The following SH3PXD2B variants were observed in gnomAD, a reference collection of about 807,000 sequenced individuals.
The protein encoded by SH3PXD2B is SH3 and PX domain-containing protein 2B.
SH3PXD2B carries 37 observed loss-of-function variants against 73.1 expected under a neutral mutation model. The observed-to-expected ratio is 0.51, with a 90% CI of 0.39 to 0.67. The LOEUF (loss-of-function observed/expected upper bound fraction) is 0.67, where lower values mean the gene tolerates loss of function less well. Ranked by LOEUF, SH3PXD2B falls within the 30% of genes least tolerant of loss-of-function variation. The probability of loss-of-function intolerance (pLI) is 0.00; values close to 1 mark genes in which losing one functional copy is unlikely to be tolerated. For synonymous variants in SH3PXD2B, 457 were observed against 480.5 expected (o/e 0.95, Z 0.64); for missense variants, 1,053 against 1,197.8 (o/e 0.88, Z 1.78).
At chr5:172,403,961 G>C (rs909132667) in intron 3 of SH3PXD2B, among the ~76,000 whole-genome samples, 4 of 152,238 alleles carry the variant, frequency 2.6e-5, no homozygotes, top group African/African-American at 4.8e-5. Context: ...TCGCTTGCTT[G>C]AGGTCACAGG....
chr5:172,380,491 G>A (rs556912966), intron 5 of SH3PXD2B, among the ~76,000 whole-genome samples: 1 of 152,286 alleles, frequency 6.6e-6, no homozygotes, highest in African/African-American at 2.4e-5. Context: ...AATCCTGTAA[G>A]CCCAGGAGGA....
chr5:172,333,929 G>T lies in SH3PXD2B; in HGVS notation c.*4440C>A. ...AAGGCATACATGGGCACACACTGGG[G>T]TAAAATGTGGACACCATCGTTGCAT... On this transcript the variant is annotated 3_prime_UTR_variant, in exon 13 of 13. Transcript: ENST00000311601. 2 of 1,248,900 alleles carry T rather than the reference G, an allele frequency of 1.6e-6. No individual in the cohort carries two copies. Among genetic ancestry groups the T allele is most frequent in the Non-Finnish European group, 2.0e-6 (2 of 975,884 alleles). 77.4% of individuals were successfully genotyped at this position (1,248,900 alleles called of 1,614,324 possible). A position where few individuals can be genotyped will look rare whatever the true frequency, so the allele number is the denominator to read the frequency against.
chr5:172,353,889 T>G lies in SH3PXD2B; in HGVS notation c.784A>C (p.Arg262=). ...QKNLEGWWKI[R]YQGKEGWAPA... ...ACCGTGGGGGGCAGCGGCTGGTACC[T>G]GATCTTCCACCAGCCTTCCAGGTTT... Residue 262 remains arginine, a splice_region_variant and synonymous_variant, in exon 9 of 13, where the codon AGG becomes CGG. Coordinates refer to ENST00000311601, the MANE Select transcript of SH3PXD2B (RefSeq NM_001017995.3). This position sits in a 1 kb window ranked among gnomAD's most constrained non-coding sequence, Gnocchi z 4.3. The G allele has an allele frequency of 1.9e-6, 3 of 1,612,574 alleles. No homozygotes were observed. Among genetic ancestry groups the G allele is most frequent in the Non-Finnish European group, 2.5e-6 (3 of 1,178,980 alleles).
chr5:172,438,806 G>A (rs1463837808), intron 1 of SH3PXD2B, among the ~76,000 whole-genome samples: 1 of 152,092 alleles, frequency 6.6e-6, no homozygotes, highest in Admixed American at 6.6e-5. Flanking sequence ...CTGTAGTGGA[G>A]GTTACAGGAA....
chr5:172,366,678 G>A lies in SH3PXD2B; in HGVS notation c.428-3809C>T, dbSNP rs572390277. On this transcript the variant is annotated intron_variant, in intron 6 of 12. Coordinates refer to ENST00000311601, the MANE Select transcript of SH3PXD2B (RefSeq NM_001017995.3). Reference sequence around the variant, plus strand: ...AGACGAAGTCTTGCTCTGTTGCCAGGCTGAAGTGCAGCGGTGCAATCTCGG... The same window carrying A: ...AGACGAAGTCTTGCTCTGTTGCCAGACTGAAGTGCAGCGGTGCAATCTCGG... Among the ~76,000 whole-genome samples the A allele has an allele frequency of 1.2e-3, 183 of 151,970 alleles. 1 individual carries two copies. The highest frequency in any genetic ancestry group is 0.011 in the Admixed American group (174 of 15,248).
At chr5:172,368,854 T>C (rs1434910128) in intron 6 of SH3PXD2B, among the ~76,000 whole-genome samples, 1 of 129,714 alleles carries the variant, frequency 7.7e-6, no homozygotes, top group African/African-American at 3.0e-5. Context: ...TAATATATAG[T>C]ATATATATAT....
intron 1 of SH3PXD2B, among the ~76,000 whole-genome samples, chr5:172,432,657 C>G (rs1380184469): frequency 6.6e-6 from 1 of 152,124 alleles, no homozygotes; most frequent in Admixed American, 6.6e-5. Context: ...TGCGGTCCGC[C>G]TGTAATCCCA....
At chr5:172,433,492 G>A (rs1339056879) in intron 1 of SH3PXD2B, among the ~76,000 whole-genome samples, 2 of 152,046 alleles carry the variant, frequency 1.3e-5, no homozygotes, top group African/African-American at 2.4e-5. Flanking sequence ...CGCTTTCTAG[G>A]AGCACTGAAA....
chr5:172,389,021 A>T (rs1227649822), intron 4 of SH3PXD2B, among the ~76,000 whole-genome samples: 1 of 150,216 alleles, frequency 6.7e-6, no homozygotes, highest in African/African-American at 2.4e-5. Flanking sequence ...AGAAACACAC[A>T]TTTGAATATC....
intron 2 of SH3PXD2B, among the ~76,000 whole-genome samples, chr5:172,420,247 ATTTG>A (rs1218124748): frequency 3.9e-5 from 6 of 152,370 alleles, no homozygotes; most frequent in South Asian, 2.1e-4. Context: ...CAAAAATATA[ATTTG>A]TTTATGATAC....
At chr5:172,425,251 T>G (rs1039043353) in intron 1 of SH3PXD2B, among the ~76,000 whole-genome samples, 5 of 152,234 alleles carry the variant, frequency 3.3e-5, no homozygotes, top group African/African-American at 1.2e-4. Context: ...AAGCACCGAC[T>G]GCATGCCAGG....
intron 12 of SH3PXD2B, chr5:172,325,446 C>T: frequency 1.8e-6 from 2 of 1,101,902 alleles, no homozygotes; most frequent in Non-Finnish European, 2.6e-6. Context: ...ACTAACGTGG[C>T]CTGGGACTTT....
At position 172,338,816 on chromosome 5, in the gene SH3PXD2B, A is replaced by T; in HGVS notation, c.2289T>A (p.Pro763=). The T allele has an allele frequency of 6.2e-7, 1 of 1,613,920 alleles. No individual in the cohort carries two copies. The highest frequency in any genetic ancestry group is 8.5e-7 in the Non-Finnish European group (1 of 1,179,944). Reference sequence around the variant, plus strand: ...ATGACGAAGAGGTTTTCTTTGGGGGAGGTGGTCTGCGGGGTGGGACCACAG... The same window carrying T: ...ATGACGAAGAGGTTTTCTTTGGGGGTGGTGGTCTGCGGGGTGGGACCACAG... ...QRPVVPPRRP[P]PPKKTSSSSR... The change falls in exon 13 of 13, where the codon CCT becomes CCA. Residue 763 remains proline, a synonymous_variant. Coordinates refer to ENST00000311601, the MANE Select transcript of SH3PXD2B (RefSeq NM_001017995.3). This position sits in a 1 kb window ranked among gnomAD's most constrained non-coding sequence, Gnocchi z 5.1.
intron 2 of SH3PXD2B, among the ~76,000 whole-genome samples, chr5:172,411,504 C>A (rs1160699083): frequency 1.3e-5 from 2 of 152,156 alleles, no homozygotes; most frequent in African/African-American, 4.8e-5. Context: ...ATAGTCTAAC[C>A]ACAGACATGA....
At chr5:172,380,219 G>A (rs977748795) in intron 5 of SH3PXD2B, among the ~76,000 whole-genome samples, 2 of 121,178 alleles carry the variant, frequency 1.7e-5, no homozygotes, top group Admixed American at 8.8e-5. Context: ...CACTATGCCC[G>A]GCTAATTTTT....
chr5:172,345,965 G>A lies in SH3PXD2B; in HGVS notation c.1188+171C>T, dbSNP rs149685772. On this transcript the variant is annotated intron_variant, in intron 12 of 12. Transcript: ENST00000311601. ...TGCAACCCTGTGAATATCATAAGCC[G>A]CTGAATTTTACACTTAAAATTGTAA... 7.2e-5 allele frequency among the ~76,000 whole-genome samples: 11 copies of A among 152,284 alleles called. 1 individual carries two copies. The East Asian group carries it at 1.7e-3, about 24-fold the overall frequency.
chr5:172,390,813 TTTTGTGTGTGTGTG>T lies in SH3PXD2B; in HGVS notation c.309+3736_309+3749del, dbSNP rs1313722281. Among the ~76,000 whole-genome samples, 276 of 116,860 alleles carry T rather than the reference TTTTGTGTGTGTGTG, an allele frequency of 2.4e-3. 2 individuals are homozygous for T. Among genetic ancestry groups the T allele is most frequent in the African/African-American group, 9.0e-3 (254 of 28,104 alleles). The allele number at this position is 116,860 out of a possible 152,430, so 76.7% of individuals were successfully genotyped here. A position where few individuals can be genotyped will look rare whatever the true frequency, so the allele number is the denominator to read the frequency against. On this transcript the variant is annotated intron_variant, in intron 4 of 12. Transcript: ENST00000311601. ...CTGTCTTCCAAAGTAGCTTCCCGTCTTTTGTGTGTGTGTGTGTGTGTGTGTGTGTGTGTGTGTGT... is the reference window on the plus strand; with the variant it reads ...CTGTCTTCCAAAGTAGCTTCCCGTCTTGTGTGTGTGTGTGTGTGTGTGTGT...
In SH3PXD2B at chr5:172,333,941, C is replaced by T; in HGVS notation, c.*4428G>A. On this transcript the variant is annotated 3_prime_UTR_variant, in exon 13 of 13. Transcript: ENST00000311601. ...GGCACACACTGGGGTAAAATGTGGA[C>T]ACCATCGTTGCATTAGAATTGCTTA... 3 of 1,242,572 alleles carry T rather than the reference C, an allele frequency of 2.4e-6. No homozygotes were observed. Among genetic ancestry groups the T allele is most frequent in the South Asian group, 1.4e-5 (1 of 73,564 alleles). The allele number at this position is 1,242,572 out of a possible 1,614,324, so 77.0% of individuals were successfully genotyped here.
intron 2 of SH3PXD2B, among the ~76,000 whole-genome samples, chr5:172,410,379 G>A (rs1210870923): frequency 6.6e-6 from 1 of 152,250 alleles, no homozygotes; most frequent in South Asian, 2.1e-4. Context: ...GAAATGCTTG[G>A]TCCACTGTCA....
Sources: gnomAD v4.1 joint callset for allele counts (sites outside exome capture counted in the v4.1 genomes callset) on GRCh38, gnomAD v4.1.1 for gene constraint, Gnocchi (gnomAD v3.1) non-coding constraint, MANE v1.5 for transcripts, NCBI Gene and HGNC (gene_info 2026-07-23, HGNC 2026-07-21) for gene names.